The following GRID2 variants were observed in gnomAD, a reference collection of about 807,000 sequenced individuals.
GRID2 encodes glutamate receptor ionotropic, delta-2.
GRID2 carries 33 observed loss-of-function variants against 114.8 expected under a neutral mutation model. That is an observed-to-expected ratio of 0.29 (90% CI 0.22 to 0.38). The LOEUF is 0.38. Ranked by LOEUF, GRID2 falls within the 10% of genes least tolerant of loss-of-function variation. GRID2 has a pLI of 1.00. For synonymous variants in GRID2, 505 were observed against 449.9 expected (o/e 1.12, Z -1.55); for missense variants, 1,184 against 1,257.7 (o/e 0.94, Z 0.89).
At position 93,675,453 on chromosome 4, in the gene GRID2, T is replaced by C. The variant is rs146424228; in HGVS notation, c.2360+49018T>C. Among the ~76,000 whole-genome samples the C allele has an allele frequency of 2.4e-3, 363 of 152,316 alleles. 3 individuals are homozygous for C. Among genetic ancestry groups the C allele is most frequent in the Non-Finnish European group, 4.3e-3 (291 of 68,026 alleles). On this transcript the variant is annotated intron_variant, in intron 14 of 15. Coordinates refer to ENST00000282020, the MANE Select transcript of GRID2 (RefSeq NM_001510.4). ...TATCTGGTTCTTGTAATTATATTGA[T>C]AGCTAAGATTTATTAAACACCTACT...
chr4:92,972,099 T>C (rs963336072), intron 2 of GRID2, among the ~76,000 whole-genome samples: 1 of 152,136 alleles, frequency 6.6e-6, no homozygotes, highest in African/African-American at 2.4e-5. Flanking sequence ...ACTTTTAGTT[T>C]TTTTTTCTCA....
intron 2 of GRID2, among the ~76,000 whole-genome samples, chr4:92,621,170 G>A (rs1466718736): frequency 6.6e-6 from 1 of 151,590 alleles, no homozygotes; most frequent in East Asian, 2.0e-4. Context: ...TTTAAACCCA[G>A]CATCCATTAG....
At chr4:93,515,504 T>C (rs576883983) in intron 13 of GRID2, 93 bp downstream of exon 13, 38 of 843,672 alleles carry the variant, frequency 4.5e-5, no homozygotes, top group Non-Finnish European at 7.2e-5. Context: ...GTTTTGTTTT[T>C]TGTTTTTTAT....
intron 10 of GRID2, among the ~76,000 whole-genome samples, chr4:93,438,383 T>C (rs1721306324): frequency 1.3e-5 from 2 of 151,948 alleles, no homozygotes; most frequent in Admixed American, 1.3e-4. Flanking sequence ...TGAGTAGGAG[T>C]ATAAGAGGCA....
At chr4:93,671,883 G>A (rs1724452824) in intron 14 of GRID2, among the ~76,000 whole-genome samples, 1 of 152,058 alleles carries the variant, frequency 6.6e-6, no homozygotes, top group Admixed American at 6.6e-5. Flanking sequence ...GCTGAGGCAG[G>A]AGAATTGCCT....
intron 2 of GRID2, among the ~76,000 whole-genome samples, chr4:92,846,752 T>C (rs1015719071): frequency 5.3e-5 from 8 of 152,098 alleles, no homozygotes; most frequent in African/African-American, 1.9e-4. Flanking sequence ...CACTCCAGTT[T>C]AAATATTTCA....
chr4:92,760,110 T>A (rs902303307), intron 2 of GRID2, among the ~76,000 whole-genome samples: 2 of 151,084 alleles, frequency 1.3e-5, no homozygotes, highest in Non-Finnish European at 3.0e-5. Flanking sequence ...TGTGGTGGCA[T>A]ATGCCTGTCT....
intron 14 of GRID2, among the ~76,000 whole-genome samples, chr4:93,629,793 AT>A (rs1214218863): frequency 1.3e-5 from 2 of 152,198 alleles, no homozygotes; most frequent in Non-Finnish European, 2.9e-5. Flanking sequence ...AAAATAAAAA[AT>A]ATATAGTGAT....
At chr4:92,637,878 A>T (rs1731149164) in intron 2 of GRID2, among the ~76,000 whole-genome samples, 2 of 152,028 alleles carry the variant, frequency 1.3e-5, no homozygotes. Context: ...AGAGAATAGT[A>T]TCTGGTAATA....
chr4:93,317,068 G>C (rs1756736602), intron 8 of GRID2, among the ~76,000 whole-genome samples: 1 of 152,010 alleles, frequency 6.6e-6, no homozygotes, highest in African/African-American at 2.4e-5. Flanking sequence ...TCATTTTTGA[G>C]ATTCTAATTT....
downstream of GRID2, among the ~76,000 whole-genome samples, chr4:93,777,049 G>T (rs1010798444): frequency 6.6e-6 from 1 of 152,114 alleles, no homozygotes; most frequent in African/African-American, 2.4e-5. Context: ...TGTCATCTAA[G>T]ACACAGGATG....
At chr4:92,617,108 T>G (rs1195198138) in intron 2 of GRID2, among the ~76,000 whole-genome samples, 2 of 151,510 alleles carry the variant, frequency 1.3e-5, no homozygotes, top group African/African-American at 4.8e-5. Context: ...TAATATATAG[T>G]TTCAAACTAT....
intron 2 of GRID2, among the ~76,000 whole-genome samples, chr4:92,894,707 A>G (rs1425761157): frequency 1.3e-5 from 2 of 152,132 alleles, no homozygotes; most frequent in Non-Finnish European, 2.9e-5. Context: ...AAATTCAGCA[A>G]AATAATAAGA....
At chr4:93,327,373 T>C (rs972604837) in intron 8 of GRID2, among the ~76,000 whole-genome samples, 1 of 152,120 alleles carries the variant, frequency 6.6e-6, no homozygotes, top group Non-Finnish European at 1.5e-5. Context: ...AACAATACAG[T>C]AATGTGTTCA....
intron 14 of GRID2, among the ~76,000 whole-genome samples, chr4:93,692,718 T>C (rs1409979901): frequency 6.6e-6 from 1 of 152,200 alleles, no homozygotes; most frequent in Non-Finnish European, 1.5e-5. Flanking sequence ...TTTAAAGTTC[T>C]TGATTTCTCC....
intron 4 of GRID2, among the ~76,000 whole-genome samples, chr4:93,145,035 C>T (rs1736084362): frequency 6.6e-6 from 1 of 152,134 alleles, no homozygotes; most frequent in South Asian, 2.1e-4. Context: ...CACATATGGA[C>T]ATTACAATAG....
intron 2 of GRID2, among the ~76,000 whole-genome samples, chr4:92,872,213 A>G (rs1480728189): frequency 6.6e-6 from 1 of 152,222 alleles, no homozygotes; most frequent in African/African-American, 2.4e-5. Flanking sequence ...CCAAACATCA[A>G]CATTACTCTT....
At chr4:93,397,765 A>G in intron 9 of GRID2, among the ~76,000 whole-genome samples, 1 of 152,038 alleles carries the variant, frequency 6.6e-6, no homozygotes, top group Admixed American at 6.6e-5. Context: ...TAGTATTTGC[A>G]TATAACCTAT....
rs902336945 is a variant in GRID2, at chr4:92,691,046, T to C, written c.244+100760T>C. Among the ~76,000 whole-genome samples, 6 of 152,226 alleles carry C rather than the reference T, an allele frequency of 3.9e-5. No homozygotes were observed. The East Asian group carries it at 5.8e-4, about 15-fold the overall frequency. On this transcript the variant is annotated intron_variant, in intron 2 of 15. Transcript: ENST00000282020. ...GACTCTAAATTATCACCTGGCCTTATTCTCTTCTGCCTGAAGGAACTAGTC... is the reference window on the plus strand; with the variant it reads ...GACTCTAAATTATCACCTGGCCTTACTCTCTTCTGCCTGAAGGAACTAGTC...
Sources: gnomAD v4.1 joint callset for allele counts (sites outside exome capture counted in the v4.1 genomes callset) on GRCh38, gnomAD v4.1.1 for gene constraint, MANE v1.5 for transcripts, NCBI Gene and HGNC (gene_info 2026-07-23, HGNC 2026-07-21) for gene names.